Variants in FTO observed in about 807,000 individuals in gnomAD.
FTO encodes the protein FTO alpha-ketoglutarate dependent dioxygenase, also known as alpha-ketoglutarate-dependent dioxygenase FTO.
Under a neutral mutation model 63.9 loss-of-function variants are expected in FTO, and 47 were observed. The observed-to-expected ratio is 0.74, with a 90% CI of 0.58 to 0.94. FTO has a LOEUF of 0.94. Among genes scored for constraint, FTO ranks in the 40% least tolerant of loss-of-function variants. The probability of loss-of-function intolerance (pLI) is 0.00; values close to 1 mark genes in which losing one functional copy is unlikely to be tolerated. For synonymous variants in FTO, 207 were observed against 224.4 expected (o/e 0.92, Z 0.69); for missense variants, 562 against 618.1 (o/e 0.91, Z 0.96).
intron 1 of FTO, among the ~76,000 whole-genome samples, chr16:53,766,993 A>G (rs1428404261): frequency 6.6e-6 from 1 of 152,142 alleles, no homozygotes; most frequent in African/African-American, 2.4e-5. Context: ...GCTACTTAAA[A>G]TAAAGGTAAT....
intron 1 of FTO, among the ~76,000 whole-genome samples, chr16:53,770,208 TAC>T (rs1031801999): frequency 2.6e-5 from 4 of 152,190 alleles, no homozygotes; most frequent in African/African-American, 9.7e-5. Flanking sequence ...CCAAAGTTGT[TAC>T]AGTTTGTATG....
At chr16:53,767,988 G>GC (rs2077251499) in intron 1 of FTO, among the ~76,000 whole-genome samples, 1 of 152,190 alleles carries the variant, frequency 6.6e-6, no homozygotes, top group South Asian at 2.1e-4. Context: ...ATAATATAAT[G>GC]CCTGACACAT....
chr16:53,916,510 T>C (rs1244556264), intron 7 of FTO, among the ~76,000 whole-genome samples: 1 of 152,222 alleles, frequency 6.6e-6, no homozygotes, highest in Non-Finnish European at 1.5e-5. Flanking sequence ...AATGAGCTTA[T>C]AGATGGTCCG....
At chr16:54,050,680 T>C (rs2085290380) in intron 8 of FTO, among the ~76,000 whole-genome samples, 1 of 152,176 alleles carries the variant, frequency 6.6e-6, no homozygotes, top group Non-Finnish European at 1.5e-5. Context: ...AAAAGAAGAT[T>C]TTATTACTTC....
chr16:53,838,131 G>A (rs1046399670), intron 3 of FTO, among the ~76,000 whole-genome samples: 4 of 152,302 alleles, frequency 2.6e-5, no homozygotes, highest in Middle Eastern at 3.4e-3. Context: ...TCCCAGACAT[G>A]GGAATGTCGA....
chr16:54,106,576 A>G (rs2144615639), intron 8 of FTO, among the ~76,000 whole-genome samples: 1 of 141,252 alleles, frequency 7.1e-6, no homozygotes, highest in African/African-American at 2.6e-5. Flanking sequence ...CTATATATTT[A>G]TTATATAATT....
intron 8 of FTO, among the ~76,000 whole-genome samples, chr16:54,079,452 G>A (rs992558297): frequency 5.3e-5 from 8 of 152,262 alleles, no homozygotes; most frequent in Non-Finnish European, 1.2e-4. Flanking sequence ...AACAAACGAC[G>A]AACAGACTTA....
intron 3 of FTO, among the ~76,000 whole-genome samples, chr16:53,829,242 C>T (rs2079084647): frequency 6.6e-6 from 1 of 152,198 alleles, no homozygotes; most frequent in African/African-American, 2.4e-5. Context: ...AGGGGACATT[C>T]CACTTGCTTT....
intron 1 of FTO, among the ~76,000 whole-genome samples, chr16:53,778,101 G>A (rs1740605341): frequency 1.3e-5 from 2 of 152,098 alleles, no homozygotes; most frequent in Admixed American, 1.3e-4. Flanking sequence ...CTTCACCAAG[G>A]ACATGCTTAA....
At chr16:53,949,299 A>T (rs910199129) in intron 8 of FTO, among the ~76,000 whole-genome samples, 14 of 152,234 alleles carry the variant, frequency 9.2e-5, no homozygotes, top group African/African-American at 3.4e-4. Flanking sequence ...ATCATCTTTT[A>T]GTCTCACCAC....
chr16:53,899,517 C>T (rs553381973), intron 7 of FTO, among the ~76,000 whole-genome samples: 14 of 152,296 alleles, frequency 9.2e-5, no homozygotes, highest in Admixed American at 2.6e-4. Flanking sequence ...AACTGACTTC[C>T]TCTAGACAAG....
chr16:53,848,758 A>G (rs570436344), intron 4 of FTO, among the ~76,000 whole-genome samples: 2 of 152,330 alleles, frequency 1.3e-5, no homozygotes, highest in South Asian at 2.1e-4. Flanking sequence ...TTCAAGGGAC[A>G]TCAACACAAT....
At chr16:53,943,338 T>C (rs1430415341) in intron 8 of FTO, among the ~76,000 whole-genome samples, 2 of 152,236 alleles carry the variant, frequency 1.3e-5, no homozygotes, top group Non-Finnish European at 2.9e-5. Flanking sequence ...AAAAGCCAAT[T>C]GACTTCTGTG....
At chr16:54,011,103 A>T (rs1355523575) in intron 8 of FTO, among the ~76,000 whole-genome samples, 1 of 152,156 alleles carries the variant, frequency 6.6e-6, no homozygotes, top group Non-Finnish European at 1.5e-5. Context: ...GATAACCCCC[A>T]TATTTGGGAG....
intron 1 of FTO, among the ~76,000 whole-genome samples, chr16:53,773,199 A>G (rs1296462456): frequency 2.0e-5 from 3 of 152,112 alleles, no homozygotes; most frequent in Non-Finnish European, 2.9e-5. Context: ...TATGCTTTAA[A>G]AAAAAGCAAG....
intron 8 of FTO, among the ~76,000 whole-genome samples, chr16:53,954,563 T>A (rs2082876585): frequency 6.6e-6 from 1 of 152,050 alleles, no homozygotes; most frequent in Admixed American, 6.6e-5. Flanking sequence ...ACATAAAACT[T>A]AGGTGCAGAA....
intron 8 of FTO, among the ~76,000 whole-genome samples, chr16:54,089,784 C>T (rs1456469214): frequency 6.6e-6 from 1 of 151,754 alleles, no homozygotes; most frequent in African/African-American, 2.4e-5. Flanking sequence ...TGAAAAGATC[C>T]TTAACATCAT....
intron 3 of FTO, among the ~76,000 whole-genome samples, chr16:53,835,976 T>A (rs2111647): frequency 6.6e-6 from 1 of 150,980 alleles, no homozygotes; most frequent in Non-Finnish European, 1.5e-5. Flanking sequence ...CTGCAACCTC[T>A]GCCTCCCAGG....
chr16:54,085,911 G>A (rs1368405014), intron 8 of FTO, among the ~76,000 whole-genome samples: 1 of 152,108 alleles, frequency 6.6e-6, no homozygotes, highest in Non-Finnish European at 1.5e-5. Flanking sequence ...GACAAATGAT[G>A]CCTTCAGCTT....
Sources: allele counts gnomAD v4.1 joint callset (sites outside exome capture counted in the v4.1 genomes callset), GRCh38; gene constraint gnomAD v4.1.1; transcripts MANE v1.5; gene names NCBI Gene and HGNC (gene_info 2026-07-23, HGNC 2026-07-21).